The following BANK1 variants were observed in gnomAD, a reference collection of about 807,000 sequenced individuals.
BANK1 encodes B cell scaffold protein with ankyrin repeats 1, also known as B-cell scaffold protein with ankyrin repeats.
BANK1 carries 95 observed loss-of-function variants against 94.5 expected under a neutral mutation model. The ratio of observed to expected loss-of-function variants is 1.00; its 90% confidence interval spans 0.85 to 1.19. The LOEUF (loss-of-function observed/expected upper bound fraction) is 1.19. Ranked by LOEUF, BANK1 falls within the 50% of genes most tolerant of loss-of-function variation. The pLI is 0.00. For synonymous variants in BANK1, 334 were observed against 308.4 expected (o/e 1.08, Z -0.87); for missense variants, 987 against 932.2 (o/e 1.06, Z -0.77).
At chr4:102,013,340 A>G (rs978217202) in intron 7 of BANK1, among the ~76,000 whole-genome samples, 27 of 152,030 alleles carry the variant, frequency 1.8e-4, no homozygotes, top group African/African-American at 4.6e-4. Flanking sequence ...GTCCTCTCTT[A>G]TATCATTTTA....
intron 10 of BANK1, among the ~76,000 whole-genome samples, chr4:102,032,763 T>C (rs1405218862): frequency 2.0e-5 from 3 of 151,942 alleles, no homozygotes. Flanking sequence ...CAGGTACCTG[T>C]AATGTCAGCT....
chr4:102,058,105 T>G lies in BANK1; in HGVS notation c.1970-2106T>G, dbSNP rs555777380. Among the ~76,000 whole-genome samples, 34 of 152,216 alleles carry G rather than the reference T, an allele frequency of 2.2e-4. No individual in the cohort carries two copies. The South Asian group carries it at 6.8e-3, about 31-fold the overall frequency. On this transcript the variant is annotated intron_variant, in intron 11 of 16. Transcript: ENST00000322953. ...TTTTATTAAGTAAATATTTTCTATT[T>G]TAATTACTTTTTGTTGGGCAATCAA...
At chr4:102,039,889 A>G (rs1727649221) in intron 10 of BANK1, among the ~76,000 whole-genome samples, 1 of 152,118 alleles carries the variant, frequency 6.6e-6, no homozygotes, top group South Asian at 2.1e-4. Flanking sequence ...ATTTTCAAGC[A>G]TTATCATCAA....
chr4:101,796,446 T>C (rs1725159139), intron 1 of BANK1, among the ~76,000 whole-genome samples: 1 of 152,180 alleles, frequency 6.6e-6, no homozygotes, highest in South Asian at 2.1e-4. Flanking sequence ...TATCTTCCAT[T>C]GAAAATTAAA....
At chr4:101,894,183 C>T (rs939128068) in intron 5 of BANK1, among the ~76,000 whole-genome samples, 2 of 152,026 alleles carry the variant, frequency 1.3e-5, no homozygotes, top group African/African-American at 4.8e-5. Context: ...TATGTGATTA[C>T]ATTACTGAAT....
At chr4:101,996,884 A>G (rs1320196552) in intron 7 of BANK1, among the ~76,000 whole-genome samples, 1 of 152,158 alleles carries the variant, frequency 6.6e-6, no homozygotes, top group East Asian at 1.9e-4. Flanking sequence ...AACAGAGACA[A>G]TTTGACTTCC....
Position 101,790,875 on chromosome 4 carries a change from G to T in BANK1, c.-6G>T. ...GTGCGCAGGCCCCTCGGCTTCAACC[G>T]CCACAATGCTGCCAGCAGCGCCAGG... is the stretch of plus-strand genomic sequence containing the variant. On this transcript the variant is annotated 5_prime_UTR_variant, in exon 1 of 17. Transcript: ENST00000322953. 6.5e-7 allele frequency: 1 copy of T among 1,538,226 alleles called. No individual in the cohort carries two copies.
rs79567916 is a variant in BANK1 at position 101,890,157 on chromosome 4, T to C, written c.904-5148T>C. ...TGCTGTTACTGGATGGAGTGGTCTA[T>C]GTATGTGGATTGATGCTGATTGGTT... On this transcript the variant is annotated intron_variant, in intron 5 of 16. Transcript: ENST00000322953. Among the ~76,000 whole-genome samples the C allele has an allele frequency of 4.6e-3, 708 of 152,262 alleles. 13 individuals are homozygous for C. The East Asian group carries it at 0.058, about 12-fold the overall frequency.
At chr4:101,840,945 G>C (rs781387239) in intron 2 of BANK1, among the ~76,000 whole-genome samples, 5 of 152,122 alleles carry the variant, frequency 3.3e-5, no homozygotes, top group Non-Finnish European at 7.3e-5. Flanking sequence ...TTATACCTCA[G>C]CCTCCCAAGT....
chr4:102,007,092 A>ATATATTTATATATATATAATATATTAT, intron 7 of BANK1, among the ~76,000 whole-genome samples: 1 of 82,318 alleles, frequency 1.2e-5, no homozygotes, highest in African/African-American at 4.2e-5. Context: ...ATATATATAT[A>ATATATTTATATATATATAATATATTAT]ATATATTTAT....
At chr4:101,821,349 A>G (rs1042124201) in intron 1 of BANK1, among the ~76,000 whole-genome samples, 7 of 152,168 alleles carry the variant, frequency 4.6e-5, no homozygotes, top group African/African-American at 1.7e-4. Flanking sequence ...GGTGCTCGAT[A>G]TTTGACCTTT....
intron 2 of BANK1, among the ~76,000 whole-genome samples, chr4:101,831,706 C>T (rs760497801): frequency 2.0e-5 from 3 of 152,176 alleles, no homozygotes; most frequent in African/African-American, 4.8e-5. Context: ...AACTCCTAAC[C>T]TCAAGTGATC....
At chr4:101,849,288 T>C (rs1727378533) in intron 2 of BANK1, among the ~76,000 whole-genome samples, 1 of 152,198 alleles carries the variant, frequency 6.6e-6, no homozygotes, top group African/African-American at 2.4e-5. Flanking sequence ...CCAATAGTTA[T>C]TGAGTGCTGG....
chr4:101,825,686 A>C (rs953448341), intron 1 of BANK1, among the ~76,000 whole-genome samples: 1 of 152,074 alleles, frequency 6.6e-6, no homozygotes, highest in Non-Finnish European at 1.5e-5. Context: ...TGCCTGGTAC[A>C]TAGAAAGTCT....
In BANK1 at chr4:101,986,824, T is replaced by G. The variant is rs368120780; in HGVS notation, c.1207-34690T>G. 1.8e-4 allele frequency among the ~76,000 whole-genome samples: 21 copies of G among 119,620 alleles called. No individual in the cohort carries two copies. In the East Asian group the frequency reaches 1.9e-3, roughly 11 times the overall value. The allele number at this position is 119,620 out of a possible 152,430, so 78.5% of individuals were successfully genotyped here. On this transcript the variant is annotated intron_variant, in intron 7 of 16. Transcript: ENST00000322953. ...GTGTATATATATGTATATATATGTGTATATATATGTATATATATGTGTATA... is the reference window on the plus strand; with the variant it reads ...GTGTATATATATGTATATATATGTGGATATATATGTATATATATGTGTATA...
intron 11 of BANK1, among the ~76,000 whole-genome samples, chr4:102,053,502 TAAG>T (rs1728123754): frequency 1.3e-5 from 2 of 152,020 alleles, no homozygotes; most frequent in Admixed American, 6.5e-5. Flanking sequence ...AACTTCAACT[TAAG>T]AAGTTTATAT....
chr4:101,842,160 C>A (rs1041965315), intron 2 of BANK1, among the ~76,000 whole-genome samples: 9 of 152,172 alleles, frequency 5.9e-5, no homozygotes, highest in Non-Finnish European at 1.3e-4. Flanking sequence ...ACCTTGCATT[C>A]TTTGTGCAAG....
chr4:101,955,226 G>A (rs913998893), intron 7 of BANK1, among the ~76,000 whole-genome samples: 5 of 152,058 alleles, frequency 3.3e-5, no homozygotes. Flanking sequence ...GAGATGATAC[G>A]GTTAACATGG....
At chr4:101,799,922 G>A (rs1045139020) in intron 1 of BANK1, among the ~76,000 whole-genome samples, 3 of 151,856 alleles carry the variant, frequency 2.0e-5, no homozygotes, top group African/African-American at 7.3e-5. Flanking sequence ...AATGTTGCAC[G>A]TATACACCAT....
Sources: allele counts gnomAD v4.1 joint callset (sites outside exome capture counted in the v4.1 genomes callset), GRCh38; gene constraint gnomAD v4.1.1; transcripts MANE v1.5; gene names NCBI Gene and HGNC (gene_info 2026-07-23, HGNC 2026-07-21).